The following NEK10 variants were observed in gnomAD, a reference collection of about 807,000 sequenced individuals.
The protein encoded by NEK10 is serine/threonine-protein kinase Nek10.
Under a neutral mutation model 159.8 loss-of-function variants are expected in NEK10, and 122 were observed. The ratio of observed to expected loss-of-function variants is 0.76; its 90% confidence interval spans 0.66 to 0.89. The LOEUF is 0.89. Among genes scored for constraint, NEK10 ranks in the 40% least tolerant of loss-of-function variants. NEK10 has a pLI of 0.00. For missense variants in NEK10, 1,342 were observed against 1,323.1 expected (o/e 1.01, Z -0.22); for synonymous variants, 466 against 457.1 (o/e 1.02, Z -0.25).
intron 25 of NEK10, 40 bp from the exon 26 acceptor site, chr3:27,192,282 T>C: frequency 6.7e-7 from 1 of 1,492,008 alleles, no homozygotes; most frequent in Non-Finnish European, 9.3e-7. Context: ...CTGGTCAATG[T>C]TGGGAGCAGG....
intron 28 of NEK10, among the ~76,000 whole-genome samples, chr3:27,173,713 A>T (rs1285512078): frequency 6.6e-6 from 1 of 152,148 alleles, no homozygotes. Context: ...TTTATTTCAG[A>T]ATATTTCTAT....
intron 9 of NEK10, chr3:27,310,230 C>T (rs1044043209): frequency 2.0e-5 from 3 of 152,066 alleles, no homozygotes; most frequent in Non-Finnish European, 4.4e-5. Flanking sequence ...ATATCATTTT[C>T]ACATTTTTTG....
At chr3:27,208,821 C>T (rs1950752813) in intron 23 of NEK10, among the ~76,000 whole-genome samples, 1 of 152,194 alleles carries the variant, frequency 6.6e-6, no homozygotes. Flanking sequence ...TCTCTCAAAA[C>T]CTTATCCTCA....
At chr3:27,219,704 A>T (rs1951899006) in intron 23 of NEK10, among the ~76,000 whole-genome samples, 1 of 152,198 alleles carries the variant, frequency 6.6e-6, no homozygotes. Context: ...TTCATTCAAC[A>T]TTGCACTGGA....
At chr3:27,339,749 A>G (rs2149758328) in intron 5 of NEK10, among the ~76,000 whole-genome samples, 1 of 146,822 alleles carries the variant, frequency 6.8e-6, no homozygotes, top group African/African-American at 2.5e-5. Context: ...ACTGCACTCC[A>G]GCCTGGGCCA....
At chr3:27,236,119 G>C (rs550099410) in intron 23 of NEK10, among the ~76,000 whole-genome samples, 1 of 152,172 alleles carries the variant, frequency 6.6e-6, no homozygotes, top group Non-Finnish European at 1.5e-5. Flanking sequence ...TGGACTCATA[G>C]AGGGGGAACA....
At chr3:27,326,474 T>A (rs768157487) in intron 5 of NEK10, among the ~76,000 whole-genome samples, 4 of 152,272 alleles carry the variant, frequency 2.6e-5, no homozygotes, top group Non-Finnish European at 5.9e-5. Flanking sequence ...GTTAGCCATA[T>A]ACAATCATCA....
At chr3:27,276,244 C>A (rs2041762276) in intron 22 of NEK10, among the ~76,000 whole-genome samples, 1 of 151,802 alleles carries the variant, frequency 6.6e-6, no homozygotes, top group Non-Finnish European at 1.5e-5. Flanking sequence ...GAGAAGATGG[C>A]AATAAGCCAG....
chr3:27,302,116 C>T (rs967370626), intron 12 of NEK10, among the ~76,000 whole-genome samples: 1 of 152,160 alleles, frequency 6.6e-6, no homozygotes, highest in African/African-American at 2.4e-5. Flanking sequence ...GGAGTTGATT[C>T]ACCTGAATAC....
At chr3:27,318,972 C>T (rs6795834) in intron 6 of NEK10, among the ~76,000 whole-genome samples, 33,787 of 151,948 alleles carry the variant, frequency 0.22, 4,259 homozygotes, top group Middle Eastern at 0.37. Flanking sequence ...AGAATAGGAA[C>T]GTGTAAATAA....
At chr3:27,266,426 T>C (rs62255582) in intron 22 of NEK10, among the ~76,000 whole-genome samples, 39,061 of 152,072 alleles carry the variant, frequency 0.26, 5,182 homozygotes, top group Middle Eastern at 0.38. Flanking sequence ...GCACCATTTG[T>C]TGGAAATAGT....
intron 1 of NEK10, among the ~76,000 whole-genome samples, chr3:27,367,224 C>A (rs550550140): frequency 1.3e-5 from 2 of 152,110 alleles, no homozygotes; most frequent in Admixed American, 1.3e-4. Flanking sequence ...GCTATTATAC[C>A]CCCATTGTGC....
intron 13 of NEK10, among the ~76,000 whole-genome samples, chr3:27,298,739 T>C (rs1171711027): frequency 6.6e-6 from 1 of 152,108 alleles, no homozygotes; most frequent in African/African-American, 2.4e-5. Flanking sequence ...TGGTCTCAGA[T>C]GGAGATGAGG....
chr3:27,260,212 T>G (rs1278055582), intron 22 of NEK10, among the ~76,000 whole-genome samples: 5 of 152,308 alleles, frequency 3.3e-5, no homozygotes, highest in Admixed American at 1.3e-4. Flanking sequence ...ACCCTTTATT[T>G]CCTTCTCCTG....
At chr3:27,186,822 G>C (rs1948664830) in intron 26 of NEK10, among the ~76,000 whole-genome samples, 1 of 152,220 alleles carries the variant, frequency 6.6e-6, no homozygotes, top group African/African-American at 2.4e-5. Flanking sequence ...TGATGGGGCT[G>C]AGATAGGGTC....
chr3:27,206,142 T>G (rs963187237), intron 23 of NEK10, among the ~76,000 whole-genome samples: 1 of 152,200 alleles, frequency 6.6e-6, no homozygotes, highest in Non-Finnish European at 1.5e-5. Context: ...GATTAGGATT[T>G]CAGTATAAGA....
At chr3:27,159,608 C>T (rs1325136247) in intron 30 of NEK10, among the ~76,000 whole-genome samples, 1 of 151,594 alleles carries the variant, frequency 6.6e-6, no homozygotes, top group South Asian at 2.1e-4. Flanking sequence ...ATATGAATTC[C>T]TAAGTTTTCT....
intron 1 of NEK10, among the ~76,000 whole-genome samples, chr3:27,358,934 G>A (rs556113924): frequency 1.6e-4 from 24 of 152,154 alleles, no homozygotes; most frequent in Non-Finnish European, 3.2e-4. Flanking sequence ...CCAGGGAGTG[G>A]TGGCTTATGC....
At chr3:27,252,498 C>T (rs1955768991) in intron 23 of NEK10, among the ~76,000 whole-genome samples, 1 of 152,200 alleles carries the variant, frequency 6.6e-6, no homozygotes, top group African/African-American at 2.4e-5. Context: ...TGTTTATAAT[C>T]ATGCAAGTAC....
Sources: allele counts gnomAD v4.1 joint callset (sites outside exome capture counted in the v4.1 genomes callset), GRCh38; gene constraint gnomAD v4.1.1; transcripts MANE v1.5; gene names NCBI Gene and HGNC (gene_info 2026-07-23, HGNC 2026-07-21).